DNAJC13: variants seen among roughly 807,000 people sequenced by gnomAD.
DNAJC13 encodes DnaJ heat shock protein family (Hsp40) member C13, also known as dnaJ homolog subfamily C member 13.
Under a neutral mutation model 290.5 loss-of-function variants are expected in DNAJC13, and 75 were observed. That is an observed-to-expected ratio of 0.26 (90% CI 0.21 to 0.31). DNAJC13 has a LOEUF of 0.31. DNAJC13 is among the 10% of genes least tolerant of loss of function. The pLI is 1.00. For synonymous variants in DNAJC13, 862 were observed against 892.0 expected (o/e 0.97, Z 0.60); for missense variants, 2,260 against 2,674.5 (o/e 0.85, Z 3.42).
At chr3:132,516,623 CAGTTGAAATAT>C in intron 47 of DNAJC13, 70 bp from the exon 48 acceptor site, 1 of 1,518,164 alleles carries the variant, frequency 6.6e-7, no homozygotes, top group Non-Finnish European at 9.0e-7. Flanking sequence ...AAACTACATT[CAGTTGAAATAT>C]GGTTGAAAAT....
intron 1 of DNAJC13, among the ~76,000 whole-genome samples, chr3:132,423,169 C>T (rs961422419): frequency 6.6e-6 from 1 of 152,084 alleles, no homozygotes; most frequent in African/African-American, 2.4e-5. Context: ...GTGACGTGTG[C>T]TCGGGAGGCT....
intron 1 of DNAJC13, among the ~76,000 whole-genome samples, chr3:132,433,381 G>A (rs1270876504): frequency 6.6e-6 from 1 of 151,666 alleles, no homozygotes; most frequent in Admixed American, 6.6e-5. Flanking sequence ...ACTCAATAGT[G>A]TTATTCAGCC....
At chr3:132,485,415 C>T (rs1430330684) in intron 29 of DNAJC13, among the ~76,000 whole-genome samples, 1 of 152,202 alleles carries the variant, frequency 6.6e-6, no homozygotes, top group African/African-American at 2.4e-5. Flanking sequence ...GCTGGGATTA[C>T]AGGCATGAGC....
At chr3:132,511,032 C>T (rs1174274673) in intron 43 of DNAJC13, 35 bp from the exon 44 acceptor site, 1 of 1,600,230 alleles carries the variant, frequency 6.2e-7, no homozygotes, top group East Asian at 2.2e-5. Flanking sequence ...TCTTAGGGCA[C>T]CCATGTTGTT....
At chr3:132,506,804 C>G (rs917429573) in intron 42 of DNAJC13, among the ~76,000 whole-genome samples, 1 of 152,018 alleles carries the variant, frequency 6.6e-6, no homozygotes. Flanking sequence ...CCCGCCTCGG[C>G]CTCCCTAAGT....
At chr3:132,508,734 G>A (rs552927945) in intron 43 of DNAJC13, among the ~76,000 whole-genome samples, 1 of 152,176 alleles carries the variant, frequency 6.6e-6, no homozygotes, top group Non-Finnish European at 1.5e-5. Flanking sequence ...TAACAAGCCT[G>A]TACATGTACC....
At chr3:132,528,957 T>C (rs533480589) in intron 54 of DNAJC13, among the ~76,000 whole-genome samples, 32 of 152,174 alleles carry the variant, frequency 2.1e-4, no homozygotes, top group Non-Finnish European at 7.4e-5. Context: ...CATTTTTTTT[T>C]AATTGACGTG....
Position 132,474,942 on chromosome 3 carries a change from G to T in DNAJC13, c.2302G>T (p.Asp768Tyr). ...WDLFYYRFGQ[D>Y]HARSNLIWNF... ...TATATGTATGTCTAGGTTTGGTCAA[G>T]ACCATGCCAGGTCAAACCTTATTTG... The change falls in exon 22 of 56, where the codon GAC becomes TAC. Residue 768 changes from aspartate (D) to tyrosine (Y), a missense_variant. By Grantham distance (160) the Asp-to-Tyr change is radical. Around this residue, in one of 3 missense-constraint regions of DNAJC13, gnomAD observed 762 missense variants for 964.1 expected, o/e 0.79. Transcript: ENST00000260818. 1 of 1,578,734 alleles carries T rather than the reference G, an allele frequency of 6.3e-7. No homozygotes were observed. The highest frequency in any genetic ancestry group is 1.1e-5 in the South Asian group (1 of 89,670).
At position 132,450,847 on chromosome 3, in the gene DNAJC13, G is replaced by A; in HGVS notation, c.537G>A (p.Leu179=). 6.6e-7 allele frequency: 1 copy of A among 1,509,428 alleles called. No homozygotes were observed. Among genetic ancestry groups the A allele is most frequent in the South Asian group, 1.2e-5 (1 of 80,618 alleles). The allele number at this position is 1,509,428 out of a possible 1,614,324, so 93.5% of individuals were successfully genotyped here. The change falls in exon 6 of 56, where the codon TTG becomes TTA. Residue 179 remains leucine, a splice_region_variant and synonymous_variant. Transcript: ENST00000260818. ...FCILYGGFSR[L]HLFASEQREE... ...TACTTTATGGAGGATTTAGTAGATT[G>A]GTAAGTACTATTTTAAAAAAAAAAA... is the stretch of plus-strand genomic sequence containing the variant.
In DNAJC13 at chr3:132,467,277, G is replaced by A. The variant is rs200653977; in HGVS notation, c.2172G>A (p.Met724Ile). The change falls in exon 20 of 56, where the codon ATG (methionine) becomes ATA (isoleucine). Residue 724 changes from methionine to isoleucine, a missense_variant. Coordinates refer to ENST00000260818, the MANE Select transcript of DNAJC13 (RefSeq NM_015268.4). Reference protein sequence around the residue: ...FAKEKVDLVLMHWRDRMGIAQ... With the variant: ...FAKEKVDLVLIHWRDRMGIAQ... ...AAGAAAAAGTGGATCTTGTATTGAT[G>A]CACTGGAGGGATAGGATGGGCATTG... 1.8e-4 allele frequency: 289 copies of A among 1,613,788 alleles called. 1 individual carries two copies. The highest frequency in any genetic ancestry group is 2.3e-4 in the Non-Finnish European group (268 of 1,179,920).
intron 1 of DNAJC13, among the ~76,000 whole-genome samples, chr3:132,431,930 ATAG>A (rs1291098968): frequency 2.0e-5 from 3 of 152,166 alleles, no homozygotes; most frequent in African/African-American, 7.2e-5. Flanking sequence ...TGTTCCGAAA[ATAG>A]TGGTGATGGT....
chr3:132,486,639 TTTC>T (rs1324616076), intron 29 of DNAJC13, among the ~76,000 whole-genome samples: 2 of 152,202 alleles, frequency 1.3e-5, no homozygotes, highest in Non-Finnish European at 2.9e-5. Flanking sequence ...TATTTTTGTT[TTTC>T]TTTTAATTTT....
At chr3:132,475,352 T>A (rs1201301234) in intron 22 of DNAJC13, among the ~76,000 whole-genome samples, 1 of 152,188 alleles carries the variant, frequency 6.6e-6, no homozygotes, top group Non-Finnish European at 1.5e-5. Context: ...TCTTTCCTTT[T>A]TTCTTTTTTT....
chr3:132,516,647 A>G, intron 47 of DNAJC13, 57 bp from the exon 48 acceptor site: 4 of 1,548,408 alleles, frequency 2.6e-6, no homozygotes, highest in Non-Finnish European at 3.5e-6. Flanking sequence ...TTGAAAATGA[A>G]TTCTGATTAG....
chr3:132,423,356 T>C (rs904311267), intron 1 of DNAJC13, among the ~76,000 whole-genome samples: 4 of 152,248 alleles, frequency 2.6e-5, no homozygotes, highest in Non-Finnish European at 5.9e-5. Flanking sequence ...GGTGAGGTTA[T>C]GAATGGAGGA....
In DNAJC13 at chr3:132,446,380, C is replaced by T. The variant is rs540576748; in HGVS notation, c.69-95C>T. On this transcript the variant is annotated intron_variant, in intron 2 of 55. Coordinates refer to ENST00000260818, the MANE Select transcript of DNAJC13 (RefSeq NM_015268.4). ...TCACCATTAATCAACTAACACATTT[C>T]TATGTATTGAACTGTTTGTTTTGTG... is the stretch of plus-strand genomic sequence containing the variant. 23 of 769,218 alleles carry T rather than the reference C, an allele frequency of 3.0e-5. No individual in the cohort carries two copies. The Middle Eastern group carries it at 1.4e-3, about 48-fold the overall frequency. 47.6% of individuals were successfully genotyped at this position (769,218 alleles called of 1,614,324 possible).
rs111279227 is a variant in DNAJC13 at position 132,532,344 on chromosome 3, G to A, written c.6625+1247G>A. ...ACCTGGTTTTAATTTTAAACTTGGT[G>A]TGACACTTTTTTTTCTTCACCATAA... On this transcript the variant is annotated intron_variant, in intron 55 of 55. Coordinates refer to ENST00000260818, the MANE Select transcript of DNAJC13 (RefSeq NM_015268.4). Among the ~76,000 whole-genome samples, 836 of 152,272 alleles carry A rather than the reference G, an allele frequency of 5.5e-3. 9 individuals carry two copies. The highest frequency in any genetic ancestry group is 0.029 in the East Asian group (153 of 5,188).
chr3:132,516,061 C>A (rs1935911320), intron 46 of DNAJC13, among the ~76,000 whole-genome samples: 1 of 152,190 alleles, frequency 6.6e-6, no homozygotes, highest in South Asian at 2.1e-4. Flanking sequence ...AGGTAAAAAT[C>A]TTAGATGCCT....
At chr3:132,451,128 G>A (rs1933402847) in intron 6 of DNAJC13, among the ~76,000 whole-genome samples, 1 of 152,140 alleles carries the variant, frequency 6.6e-6, no homozygotes, top group African/African-American at 2.4e-5. Flanking sequence ...ATTTTCATTG[G>A]TATTACTGTC....
Sources: allele counts gnomAD v4.1 joint callset (sites outside exome capture counted in the v4.1 genomes callset), GRCh38; gene constraint gnomAD v4.1.1; regional missense constraint gnomAD v4.1.1; transcripts MANE v1.5; gene names NCBI Gene and HGNC (gene_info 2026-07-23, HGNC 2026-07-21).